ALDH3B2: variants seen among roughly 807,000 people sequenced by gnomAD.
The protein encoded by ALDH3B2 is aldehyde dehydrogenase 3 family member B2.
In ALDH3B2, 45 loss-of-function variants were observed where a neutral mutation model predicts 36.7. That is an observed-to-expected ratio of 1.23 (90% CI 0.97 to 1.57). ALDH3B2 has a LOEUF of 1.57. Among genes scored for constraint, ALDH3B2 ranks in the 40% most tolerant of loss-of-function variants. The pLI, the probability that ALDH3B2 is intolerant of heterozygous loss-of-function variation, is 0.00. For synonymous variants in ALDH3B2, 217 were observed against 226.5 expected (o/e 0.96, Z 0.38); for missense variants, 464 against 513.3 (o/e 0.90, Z 0.93).
At chr11:67,672,315 C>A (rs1427695406) in intron 1 of ALDH3B2, among the ~76,000 whole-genome samples, 1 of 150,292 alleles carries the variant, frequency 6.7e-6, no homozygotes, top group Non-Finnish European at 1.5e-5. Context: ...GCCACCATGC[C>A]CGGCTAATTT....
chr11:67,679,188 C>T (rs772304021), upstream of ALDH3B2, among the ~76,000 whole-genome samples: 1 of 152,052 alleles, frequency 6.6e-6, no homozygotes, highest in African/African-American at 2.4e-5. Context: ...AAATCAGGGG[C>T]CAGGTGCAGT....
exon 6 of ALDH3B2, chr11:67,666,192 G>A (rs764515686): frequency 1.6e-5 from 26 of 1,613,970 alleles, no homozygotes; most frequent in East Asian, 8.9e-5. Context: ...CCAGCACCAC[G>A]GCAAAGCAGC....
At chr11:67,666,821 C>G in intron 3 of ALDH3B2, 85 bp downstream of exon 3, 1 of 1,610,204 alleles carries the variant, frequency 6.2e-7, no homozygotes, top group Non-Finnish European at 8.5e-7. Context: ...GTGACTCGCC[C>G]GGGGCCTCAG....
At chr11:67,678,060 CA>C (rs1177273942), upstream of ALDH3B2, among the ~76,000 whole-genome samples, 2 of 152,126 alleles carry the variant, frequency 1.3e-5, no homozygotes, top group African/African-American at 4.8e-5. Context: ...TCTACAAATT[CA>C]ACACAATCTC....
In ALDH3B2 at chr11:67,662,914, CT is replaced by C. The variant is rs1215651706; in HGVS notation, c.*300del. 4 of 419,990 alleles carry C rather than the reference CT, an allele frequency of 9.5e-6. No individual in the cohort carries two copies. In the East Asian group the frequency reaches 1.9e-4, roughly 20 times the overall value. 26.0% of individuals were successfully genotyped at this position (419,990 alleles called of 1,614,324 possible). A position where few individuals can be genotyped will look rare whatever the true frequency, so the allele number is the denominator to read the frequency against. ...TGTATTTTCCAGGGTGACACTGCCC[CT>C]GTGACTGGGTCTGGCCAACCCTGAC... On this transcript the variant is annotated 3_prime_UTR_variant, in exon 10 of 10. Transcript: ENST00000349015.
upstream of ALDH3B2, among the ~76,000 whole-genome samples, chr11:67,678,281 C>A (rs546517510): frequency 1.3e-5 from 2 of 152,188 alleles, no homozygotes; most frequent in East Asian, 1.9e-4. Context: ...GCACACAGAC[C>A]AATGGAACAG....
chr11:67,670,907 GC>G (rs1183701514), intron 1 of ALDH3B2, among the ~76,000 whole-genome samples: 9 of 152,340 alleles, frequency 5.9e-5, no homozygotes, highest in Non-Finnish European at 7.4e-5. Flanking sequence ...CCTGGGTGGG[GC>G]CTGGGCCCTT....
upstream of ALDH3B2, among the ~76,000 whole-genome samples, chr11:67,676,448 C>G (rs1303929821): frequency 6.6e-6 from 1 of 151,978 alleles, no homozygotes; most frequent in Admixed American, 6.6e-5. Flanking sequence ...CTCTGGGATA[C>G]AGCTAAGGCT....
At chr11:67,672,059 A>ATATG (rs1856132030) in intron 1 of ALDH3B2, among the ~76,000 whole-genome samples, 1 of 69,686 alleles carries the variant, frequency 1.4e-5, no homozygotes, top group Non-Finnish European at 2.7e-5. Flanking sequence ...ATATATATAT[A>ATATG]TATATATATA....
chr11:67,674,943 G>A (rs1166867632), upstream of ALDH3B2, among the ~76,000 whole-genome samples: 1 of 152,058 alleles, frequency 6.6e-6, no homozygotes, highest in African/African-American at 2.4e-5. Context: ...CCTTCGCCAG[G>A]AAGTCCTCCC....
chr11:67,672,058 T>G (rs1329255412), intron 1 of ALDH3B2, among the ~76,000 whole-genome samples: 1 of 68,792 alleles, frequency 1.5e-5, no homozygotes, highest in East Asian at 4.2e-4. Context: ...TATATATATA[T>G]ATATATATAT....
chr11:67,665,514 G>A (rs545687471), exon 7 of ALDH3B2: 37 of 1,614,066 alleles, frequency 2.3e-5, no homozygotes, highest in Admixed American at 1.5e-4. Flanking sequence ...AGGTCTGGCC[G>A]GCATTGAAGT....
At chr11:67,663,515 A>C in intron 9 of ALDH3B2, 116 bp from the exon 10 acceptor site, 1 of 1,400,194 alleles carries the variant, frequency 7.1e-7, no homozygotes, top group South Asian at 1.3e-5. Flanking sequence ...GAGCCAGGCC[A>C]CTCACAGAGC....
At chr11:67,667,270 T>C (rs1260005122) in intron 2 of ALDH3B2, among the ~76,000 whole-genome samples, 1 of 122,938 alleles carries the variant, frequency 8.1e-6, no homozygotes, top group African/African-American at 2.8e-5. Context: ...GGGACAGCCA[T>C]GGAGCCTGCA....
chr11:67,673,055 C>T (rs1279778201), intron 1 of ALDH3B2, among the ~76,000 whole-genome samples: 1 of 151,826 alleles, frequency 6.6e-6, no homozygotes, highest in Non-Finnish European at 1.5e-5. Context: ...CTCAGCCTCC[C>T]GAGTAGCTGG....
Position 67,664,376 on chromosome 11 carries a change from C to T in ALDH3B2, c.873+20G>A. ...CCCCTTTCAGCCCCTCCATTGCCCCCAACCCGGCCGCACCCCCACCTGGCT... is the reference window on the plus strand; with the variant it reads ...CCCCTTTCAGCCCCTCCATTGCCCCTAACCCGGCCGCACCCCCACCTGGCT... On this transcript the variant is annotated intron_variant, in intron 8 of 9. Transcript: ENST00000349015. 6.2e-7 allele frequency: 1 copy of T among 1,613,654 alleles called. No individual in the cohort carries two copies.
chr11:67,679,579 A>G (rs996639436), upstream of ALDH3B2, among the ~76,000 whole-genome samples: 1 of 152,088 alleles, frequency 6.6e-6, no homozygotes, highest in African/African-American at 2.4e-5. Flanking sequence ...GGAGATCAAG[A>G]CCATCCTAGC....
chr11:67,677,346 T>G (rs567308574), upstream of ALDH3B2, among the ~76,000 whole-genome samples: 15 of 152,168 alleles, frequency 9.9e-5, no homozygotes, highest in East Asian at 2.5e-3. Flanking sequence ...GAATTAAAAA[T>G]GAAAATCACA....
At chr11:67,672,466 T>C (rs1397428431) in intron 1 of ALDH3B2, among the ~76,000 whole-genome samples, 1 of 152,010 alleles carries the variant, frequency 6.6e-6, no homozygotes, top group Admixed American at 6.6e-5. Context: ...TTACATATAT[T>C]GATTGCTGTC....
Sources: allele counts gnomAD v4.1 joint callset (sites outside exome capture counted in the v4.1 genomes callset), GRCh38; gene constraint gnomAD v4.1.1; transcripts MANE v1.5; gene names NCBI Gene and HGNC (gene_info 2026-07-23, HGNC 2026-07-21).